Variants in AXIN1 observed in about 807,000 individuals in gnomAD.
AXIN1 encodes axin-1.
In AXIN1, 30 loss-of-function variants were observed where a neutral mutation model predicts 76.4. That is an observed-to-expected ratio of 0.39 (90% CI 0.29 to 0.53). The LOEUF is 0.53. Ranked by LOEUF, AXIN1 falls within the 20% of genes least tolerant of loss-of-function variation. The pLI is 0.66. For synonymous variants in AXIN1, 545 were observed against 501.4 expected (o/e 1.09, Z -1.16); for missense variants, 1,140 against 1,198.8 (o/e 0.95, Z 0.72).
At chr16:312,402 T>G (rs2053203463) in intron 3 of AXIN1, among the ~76,000 whole-genome samples, 1 of 152,240 alleles carries the variant, frequency 6.6e-6, no homozygotes, top group Admixed American at 6.5e-5. Context: ...AGGTCCTCCC[T>G]TTAGGAAACA....
Position 309,902 on chromosome 16 carries a change from G to A in AXIN1, c.1116+71C>T, listed in dbSNP as rs759401668. 3.9e-5 allele frequency: 58 copies of A among 1,496,494 alleles called. No homozygotes were observed. In the Middle Eastern group the frequency reaches 2.3e-3, roughly 59 times the overall value. The allele number at this position is 1,496,494 out of a possible 1,614,324, so 92.7% of individuals were successfully genotyped here. On this transcript the variant is annotated intron_variant, in intron 4 of 10. Coordinates refer to ENST00000262320, the MANE Select transcript of AXIN1 (RefSeq NM_003502.4). ...GGGAGGCCAGGCAAGTGCCTTTCCC[G>A]CGGACCAGTTCACCAGGCCCACGCT...
In AXIN1 at chr16:291,302, G is replaced by C. The variant is rs955964765; in HGVS notation, c.2187-5C>G. 7.0e-6 allele frequency: 11 copies of C among 1,570,282 alleles called. No homozygotes were observed. Among genetic ancestry groups the C allele is most frequent in the Middle Eastern group, 1.7e-4 (1 of 5,952 alleles). ...CGCATAACCTCCTGCACATACCTAG[G>C]GAACAACCCGCGTCAAAGGTGGCTG... On this transcript the variant is annotated splice_region_variant and splice_polypyrimidine_tract_variant and intron_variant, in intron 8 of 10. Coordinates refer to ENST00000262320, the MANE Select transcript of AXIN1 (RefSeq NM_003502.4).
Position 287,901 on chromosome 16 carries a change from A to G in AXIN1, c.*221T>C. 1 of 682,594 alleles carries G rather than the reference A, an allele frequency of 1.5e-6. No individual in the cohort carries two copies. Among genetic ancestry groups the G allele is most frequent in the Non-Finnish European group, 2.5e-6 (1 of 397,970 alleles). 42.3% of individuals were successfully genotyped at this position (682,594 alleles called of 1,614,324 possible). On this transcript the variant is annotated 3_prime_UTR_variant, in exon 11 of 11. Coordinates refer to ENST00000262320, the MANE Select transcript of AXIN1 (RefSeq NM_003502.4). ...TGGGCTGGGCCCTCCAAGTATTGCT[A>G]TGAGGAGTGGTCCAGGCTGCCTCCT...
Position 287,830 on chromosome 16 carries a change from G to C in AXIN1, c.*292C>G, listed in dbSNP as rs193056425. ...GCCCAAGGGAGGTGCCGGGGGATGG[G>C]GGGGGGTCACCTGAAGCTGGCAGCA... On this transcript the variant is annotated 3_prime_UTR_variant, in exon 11 of 11. Coordinates refer to ENST00000262320, the MANE Select transcript of AXIN1 (RefSeq NM_003502.4). The C allele has an allele frequency of 0.01, 5,449 of 524,094 alleles. 45 individuals are homozygous for C. Among genetic ancestry groups the C allele is most frequent in the Non-Finnish European group, 0.013 (3,791 of 286,890 alleles). 32.5% of individuals were successfully genotyped at this position (524,094 alleles called of 1,614,324 possible).
chr16:348,704 G>A (rs1015838031), intron 1 of AXIN1, among the ~76,000 whole-genome samples: 1 of 152,280 alleles, frequency 6.6e-6, no homozygotes, highest in African/African-American at 2.4e-5. Context: ...TTGGAAGACT[G>A]AGGCAAGAGG....
In AXIN1 at chr16:297,044, C is replaced by T. The variant is rs184429039; in HGVS notation, c.1955+12G>A. ...CAGGCCCCACGAGGCTGGCTGCGTG[C>T]GGGGTGCTCACCCGTGGCCGGTCCT... On this transcript the variant is annotated intron_variant, in intron 7 of 10. Coordinates refer to ENST00000262320, the MANE Select transcript of AXIN1 (RefSeq NM_003502.4). 1.3e-4 allele frequency: 211 copies of T among 1,609,318 alleles called. No individual in the cohort carries two copies. The East Asian group carries it at 2.3e-3, about 17-fold the overall frequency.
Position 346,604 on chromosome 16 carries a change from G to A in AXIN1, c.422C>T (p.Ala141Val), listed in dbSNP as rs1044880782. 8 of 1,601,188 alleles carry A rather than the reference G, an allele frequency of 5.0e-6. No individual in the cohort carries two copies. The East Asian group carries it at 1.1e-4, about 22-fold the overall frequency. Residue 141 changes from alanine to valine, a missense_variant, in exon 2 of 11, where the codon GCG (alanine) becomes GTG (valine). Around this residue, in one of 3 missense-constraint regions of AXIN1, gnomAD observed 708 missense variants for 776.9 expected, o/e 0.91. Coordinates refer to ENST00000262320, the MANE Select transcript of AXIN1 (RefSeq NM_003502.4). ...DSNEEKRLKL[A>V]RAIYRKYILD... ...AATGTACTTTCGGTAGATGGCTCTC[G>A]CCAGCTTCAGCCTCTTCTCCTCGTT...
At chr16:295,587 ATAAG>A (rs1567263309) in intron 7 of AXIN1, among the ~76,000 whole-genome samples, 1 of 151,900 alleles carries the variant, frequency 6.6e-6, no homozygotes, top group East Asian at 1.9e-4. Context: ...AATAAAAAGT[ATAAG>A]TATGTCTCAA....
intron 2 of AXIN1, among the ~76,000 whole-genome samples, chr16:337,684 A>G (rs1038296635): frequency 2.0e-5 from 3 of 152,166 alleles, no homozygotes; most frequent in Non-Finnish European, 2.9e-5. Flanking sequence ...AGCTGAGCCC[A>G]TTTGCCAGCA....
At chr16:328,747 G>C (rs2053630979) in intron 2 of AXIN1, among the ~76,000 whole-genome samples, 1 of 152,074 alleles carries the variant, frequency 6.6e-6, no homozygotes, top group African/African-American at 2.4e-5. Context: ...ATATTCACAG[G>C]AACCCAAACA....
intron 2 of AXIN1, among the ~76,000 whole-genome samples, chr16:320,741 ATAT>A (rs1487221044): frequency 7.0e-4 from 64 of 92,062 alleles, no homozygotes; most frequent in African/African-American, 3.5e-3. Flanking sequence ...ATATATATAT[ATAT>A]TTTTTTTTTT....
At chr16:301,937 G>A (rs1212639962) in intron 5 of AXIN1, among the ~76,000 whole-genome samples, 2 of 152,234 alleles carry the variant, frequency 1.3e-5, no homozygotes, top group Admixed American at 6.5e-5. Context: ...TGATGCTGAC[G>A]TCACAGCCCG....
rs2141544015 is a variant in AXIN1, at chr16:304,233, T to A, written c.1254+71A>T. ...GCCCCGGGCATCCCCATGAAGAACATCAGGACATCCCGGCGGCAAGAAAAC... is the reference window on the plus strand; with the variant it reads ...GCCCCGGGCATCCCCATGAAGAACAACAGGACATCCCGGCGGCAAGAAAAC... On this transcript the variant is annotated intron_variant, in intron 5 of 10. Transcript: ENST00000262320. The A allele has an allele frequency of 1.9e-6, 3 of 1,597,778 alleles. No individual in the cohort carries two copies. In the South Asian group the frequency reaches 3.3e-5, roughly 18 times the overall value.
intron 4 of AXIN1, among the ~76,000 whole-genome samples, chr16:305,624 A>G (rs991428218): frequency 2.0e-5 from 3 of 152,080 alleles, no homozygotes; most frequent in Admixed American, 6.5e-5. Context: ...GCTCACTGCA[A>G]GCTCCGCCTC....
At chr16:335,835 C>G (rs2053791795) in intron 2 of AXIN1, among the ~76,000 whole-genome samples, 1 of 151,940 alleles carries the variant, frequency 6.6e-6, no homozygotes, top group Non-Finnish European at 1.5e-5. Context: ...CACAAGCACT[C>G]TATTGAGCTG....
At chr16:309,875 G>C (rs1273350764) in intron 4 of AXIN1, 98 bp downstream of exon 4, 1 of 1,204,800 alleles carries the variant, frequency 8.3e-7, no homozygotes, top group African/African-American at 1.5e-5. Context: ...AGCCTGGCTC[G>C]TGGGAGGCCA....
intron 4 of AXIN1, among the ~76,000 whole-genome samples, chr16:306,253 T>C (rs2053022721): frequency 6.6e-6 from 1 of 152,176 alleles, no homozygotes; most frequent in Non-Finnish European, 1.5e-5. Context: ...CTCTCATACC[T>C]AACCACAGTA....
chr16:346,348 A>G lies in AXIN1; in HGVS notation c.678T>C (p.Ser226=), dbSNP rs1221467726. The G allele has an allele frequency of 6.2e-7, 1 of 1,614,214 alleles. No individual in the cohort carries two copies. The highest frequency in any genetic ancestry group is 2.2e-5 in the East Asian group (1 of 44,880). Residue 226 remains serine, a synonymous_variant, in exon 2 of 11, where the codon TCT becomes TCC. Coordinates refer to ENST00000262320, the MANE Select transcript of AXIN1 (RefSeq NM_003502.4). ...ATATGCCCTTCCCTGTCCCTGACCC[A>G]GAGCTCTGGTCACTACAGACTTTGG... The part of the protein sequence containing the change: ...ESPKVCSDQS[S]GSGTGKGISG...
At chr16:339,507 T>C (rs1392278537) in intron 2 of AXIN1, among the ~76,000 whole-genome samples, 4 of 107,084 alleles carry the variant, frequency 3.7e-5, no homozygotes, top group African/African-American at 1.8e-4. Context: ...CGAGACTCCA[T>C]CTCAAAAAAA....
Sources: allele counts gnomAD v4.1 joint callset (sites outside exome capture counted in the v4.1 genomes callset), GRCh38; gene constraint gnomAD v4.1.1; regional missense constraint gnomAD v4.1.1; transcripts MANE v1.5; gene names NCBI Gene and HGNC (gene_info 2026-07-23, HGNC 2026-07-21).